Variants in ZGPAT observed in about 807,000 individuals in gnomAD.
ZGPAT encodes the protein zinc finger CCCH-type with G patch domain-containing protein.
A neutral mutation model predicts 47.9 loss-of-function variants in ZGPAT; 39 were observed. The ratio of observed to expected loss-of-function variants is 0.81; its 90% CI spans 0.63 to 1.06. The LOEUF is 1.06. Ranked by LOEUF, ZGPAT falls within the 50% of genes least tolerant of loss-of-function variation. The pLI is 0.00. For synonymous variants in ZGPAT, 348 were observed against 292.9 expected (o/e 1.19, Z -1.92); for missense variants, 717 against 681.4 (o/e 1.05, Z -0.58).
chr20:63,726,377 T>A (rs777593776), intron 2 of ZGPAT, among the ~76,000 whole-genome samples: 1 of 151,728 alleles, frequency 6.6e-6, no homozygotes, highest in Non-Finnish European at 1.5e-5. Context: ...TTTTTTGTAT[T>A]TTTAGTAGAG....
intron 2 of ZGPAT, 36 bp from the exon 3 acceptor site, chr20:63,733,183 A>G: frequency 6.3e-7 from 1 of 1,599,674 alleles, no homozygotes; most frequent in African/African-American, 1.3e-5. Context: ...CTGGTGGCCC[A>G]TGTCTGAGCC....
At chr20:63,714,111 C>A (rs1026412816) in intron 2 of ZGPAT, among the ~76,000 whole-genome samples, 1 of 151,908 alleles carries the variant, frequency 6.6e-6, no homozygotes, top group African/African-American at 2.4e-5. Context: ...GCTAGAACTT[C>A]AAGTACAATG....
chr20:63,724,291 G>A (rs1462581084), intron 2 of ZGPAT, among the ~76,000 whole-genome samples: 1 of 151,544 alleles, frequency 6.6e-6, no homozygotes, highest in Non-Finnish European at 1.5e-5. Flanking sequence ...GCTTGAACCT[G>A]GGAAGCGGAG....
chr20:63,721,208 C>T (rs752102090), intron 2 of ZGPAT, among the ~76,000 whole-genome samples: 16 of 151,838 alleles, frequency 1.1e-4, no homozygotes, highest in Non-Finnish European at 1.8e-4. Flanking sequence ...AAAAATTAAC[C>T]GGGCATGGTG....
Position 63,735,384 on chromosome 20 carries a change from C to G in ZGPAT, c.1217C>G (p.Ala406Gly). The G allele has an allele frequency of 6.4e-7, 1 of 1,553,840 alleles. No individual in the cohort carries two copies. Among genetic ancestry groups the G allele is most frequent in the Non-Finnish European group, 8.7e-7 (1 of 1,152,960 alleles). The change falls in exon 6 of 7, where the codon GCT (alanine) becomes GGT (glycine). Residue 406 changes from alanine to glycine, a missense_variant. Transcript: ENST00000355969. ...CTCAATGAAAAGCTGCAAGGTCAGG[C>G]TCCTGGGGCCCTAGAAGCCGGGGCG... ...DFLNEKLQGQAPGALEAGAAP... is the reference protein window; with the variant it reads ...DFLNEKLQGQGPGALEAGAAP...
chr20:63,726,227 C>G (rs139558700), intron 2 of ZGPAT, among the ~76,000 whole-genome samples: 20 of 142,712 alleles, frequency 1.4e-4, no homozygotes, highest in African/African-American at 5.3e-4. Context: ...GAGTCGGAGT[C>G]TCACTGTGTC....
chr20:63,729,736 T>A (rs1486013531), intron 2 of ZGPAT, among the ~76,000 whole-genome samples: 1 of 152,216 alleles, frequency 6.6e-6, no homozygotes, highest in African/African-American at 2.4e-5. Context: ...ATTTGGTTAA[T>A]ATCTTTGTGG....
chr20:63,725,742 T>A (rs1430881734), intron 2 of ZGPAT, among the ~76,000 whole-genome samples: 1 of 151,278 alleles, frequency 6.6e-6, no homozygotes, highest in Non-Finnish European at 1.5e-5. Context: ...ACTGCATGTA[T>A]GTTGGTGTGC....
intron 2 of ZGPAT, among the ~76,000 whole-genome samples, chr20:63,716,422 T>A (rs573257526): frequency 6.6e-6 from 1 of 152,338 alleles, no homozygotes; most frequent in African/African-American, 2.4e-5. Context: ...TTGTTCATAG[T>A]ATCCTTTTAT....
At chr20:63,719,174 C>T (rs112918309) in intron 2 of ZGPAT, among the ~76,000 whole-genome samples, 11 of 152,108 alleles carry the variant, frequency 7.2e-5, no homozygotes, top group African/African-American at 2.4e-4. Flanking sequence ...AGTCACTTGT[C>T]TCTTGCTGTT....
Position 63,732,199 on chromosome 20 carries a change from G to A in ZGPAT, c.585-1020G>A, listed in dbSNP as rs531234022. On this transcript the variant is annotated intron_variant, in intron 2 of 6. Coordinates refer to ENST00000355969, the MANE Select transcript of ZGPAT (RefSeq NM_181485.3). ...CATATGTGTGTGCATGTGTGGGTGC[G>A]GGTGCATCTGTGTGTGCATGTTTGG... 1.8e-3 allele frequency among the ~76,000 whole-genome samples: 273 copies of A among 151,150 alleles called. 1 individual carries two copies. The highest frequency in any genetic ancestry group is 6.3e-3 in the African/African-American group (260 of 41,202).
rs1243442545 is a variant in ZGPAT at position 63,717,402 on chromosome 20, T to C, written c.584+8238T>C. On this transcript the variant is annotated intron_variant, in intron 2 of 6. Coordinates refer to ENST00000355969, the MANE Select transcript of ZGPAT (RefSeq NM_181485.3). ...TCTCCCTCTGTCACCCAGACTGGAG[T>C]GCAGTGGCATGATCTCAGCTCACTG... is the stretch of plus-strand genomic sequence containing the variant. Among the ~76,000 whole-genome samples, 3 of 142,962 alleles carry C rather than the reference T, an allele frequency of 2.1e-5. No homozygotes were observed. In the East Asian group the frequency reaches 6.7e-4, roughly 32 times the overall value. 93.8% of individuals were successfully genotyped at this position (142,962 alleles called of 152,430 possible).
intron 2 of ZGPAT, among the ~76,000 whole-genome samples, chr20:63,710,758 A>G (rs2091657584): frequency 6.6e-6 from 1 of 152,332 alleles, no homozygotes; most frequent in Admixed American, 6.5e-5. Context: ...TGGAAGTCCA[A>G]GTCCGATGTG....
At position 63,735,860 on chromosome 20, in the gene ZGPAT, G is replaced by T. The variant is rs946269173; in HGVS notation, c.1477G>T (p.Ala493Ser). Reference protein sequence around the residue: ...RQLGQLRAQEAGLQQEQRKAD... With the variant: ...RQLGQLRAQESGLQQEQRKAD... ...GCTGGGGCAGCTCCGGGCTCAGGAA[G>T]CCGGCCTGCAGCAGGAGCAGAGGAA... is the stretch of plus-strand genomic sequence containing the variant. Residue 493 changes from alanine (A) to serine (S), a missense_variant, in exon 7 of 7, where the codon GCC becomes TCC. Ala to Ser is a moderately conservative substitution (Grantham distance 99). Transcript: ENST00000355969. 7.4e-6 allele frequency: 12 copies of T among 1,612,782 alleles called. No individual in the cohort carries two copies. In the African/African-American group the frequency reaches 1.3e-4, roughly 18 times the overall value.
intron 2 of ZGPAT, among the ~76,000 whole-genome samples, chr20:63,732,621 ATGTG>A (rs1398032744): frequency 6.9e-6 from 1 of 144,538 alleles, no homozygotes; most frequent in East Asian, 2.2e-4. Flanking sequence ...GTCTCTGTGT[ATGTG>A]TATGACGTGT....
intron 2 of ZGPAT, among the ~76,000 whole-genome samples, chr20:63,732,684 G>GTGTGTATGCA: frequency 6.6e-6 from 1 of 151,504 alleles, no homozygotes; most frequent in East Asian, 2.0e-4. Flanking sequence ...CTGTGTGCAT[G>GTGTGTATGCA]TGTGTATGCA....
At chr20:63,715,415 G>A (rs565575943) in intron 2 of ZGPAT, among the ~76,000 whole-genome samples, 7 of 151,804 alleles carry the variant, frequency 4.6e-5, no homozygotes, top group Admixed American at 4.6e-4. Flanking sequence ...AATTTTTTGT[G>A]TTTTTAGTTG....
chr20:63,733,023 CGTGA>C (rs566912036), intron 2 of ZGPAT, among the ~76,000 whole-genome samples, 192 bp from the exon 3 acceptor site: 112 of 148,360 alleles, frequency 7.5e-4, no homozygotes, highest in Middle Eastern at 7.1e-3. Flanking sequence ...TGTATGTGTG[CGTGA>C]GTGTGTGCAT....
At chr20:63,718,498 A>T (rs1036330618) in intron 2 of ZGPAT, among the ~76,000 whole-genome samples, 5 of 151,704 alleles carry the variant, frequency 3.3e-5, no homozygotes, top group Admixed American at 6.6e-5. Flanking sequence ...ACACCTGGCT[A>T]ATTTTTGTAT....
Sources: allele counts gnomAD v4.1 joint callset (sites outside exome capture counted in the v4.1 genomes callset), GRCh38; gene constraint gnomAD v4.1.1; transcripts MANE v1.5; gene names NCBI Gene and HGNC (gene_info 2026-07-23, HGNC 2026-07-21).